ARHGEF4: variants seen among roughly 807,000 people sequenced by gnomAD.
The protein encoded by ARHGEF4 is Rho guanine nucleotide exchange factor 4.
A neutral mutation model predicts 162.0 loss-of-function variants in ARHGEF4; 119 were observed. The ratio of observed to expected loss-of-function variants is 0.73; its 90% CI spans 0.63 to 0.86. The LOEUF (loss-of-function observed/expected upper bound fraction) is 0.86. ARHGEF4 is among the 40% of genes least tolerant of loss of function. ARHGEF4 has a pLI of 0.00. For missense variants in ARHGEF4, 2,488 were observed against 2,456.0 expected, an observed-to-expected ratio of 1.01 and a Z score of -0.28; for synonymous variants, 1,014 against 979.9, an observed-to-expected ratio of 1.03 and a Z score of -0.65.
chr2:130,872,367 C>T (rs935002917), intron 1 of ARHGEF4, among the ~76,000 whole-genome samples: 4 of 152,084 alleles, frequency 2.6e-5, no homozygotes, highest in Non-Finnish European at 4.4e-5. Flanking sequence ...GGCAGATGAA[C>T]GTTTGAAATT....
chr2:130,993,448 TTTC>T (rs1174321742), intron 4 of ARHGEF4, among the ~76,000 whole-genome samples: 11 of 144,612 alleles, frequency 7.6e-5, no homozygotes, highest in South Asian at 2.6e-4. Flanking sequence ...GAATGTGTAT[TTTC>T]TTCTTGTTGG....
intron 1 of ARHGEF4, among the ~76,000 whole-genome samples, chr2:130,890,028 T>A (rs1355852154): frequency 1.3e-5 from 2 of 152,122 alleles, no homozygotes; most frequent in Non-Finnish European, 2.9e-5. Context: ...CTCCACACCC[T>A]TCTTTGGAGT....
At chr2:130,883,733 C>A (rs1376151380) in intron 1 of ARHGEF4, among the ~76,000 whole-genome samples, 1 of 152,030 alleles carries the variant, frequency 6.6e-6, no homozygotes, top group Non-Finnish European at 1.5e-5. Context: ...TGAGTGCCCT[C>A]TGATGCAGCC....
chr2:130,915,234 A>C lies in ARHGEF4; in HGVS notation c.1288A>C (p.Arg430=). 1 of 1,550,620 alleles carries C rather than the reference A, an allele frequency of 6.4e-7. No homozygotes were observed. The highest frequency in any genetic ancestry group is 8.7e-7 in the Non-Finnish European group (1 of 1,147,006). The change falls in exon 2 of 14, where the codon AGA becomes CGA. Residue 430 remains arginine, a synonymous_variant. Coordinates refer to ENST00000409359, the MANE Select transcript of ARHGEF4 (RefSeq NM_001367493.1). ...AGGTCTCCTGGGGGAAAACCAGTTA[A>C]GACAGGATTCCAGGTCATGTCTGGT... ...SAGLLGENQL[R]QDSRSCLVAS... is the part of the protein sequence containing the mutation.
intron 1 of ARHGEF4, among the ~76,000 whole-genome samples, chr2:130,846,375 C>T (rs568050298): frequency 1.2e-4 from 19 of 152,324 alleles, no homozygotes; most frequent in Middle Eastern, 3.4e-3. Flanking sequence ...CCACCCACAC[C>T]GACTGCCAGG....
chr2:130,929,518 C>T (rs1394220123), intron 2 of ARHGEF4, among the ~76,000 whole-genome samples: 2 of 152,164 alleles, frequency 1.3e-5, no homozygotes, highest in Non-Finnish European at 2.9e-5. Flanking sequence ...CATCTAATCA[C>T]TTCCAGAATA....
At chr2:130,882,675 T>G (rs969855705) in intron 1 of ARHGEF4, among the ~76,000 whole-genome samples, 3 of 151,992 alleles carry the variant, frequency 2.0e-5, no homozygotes, top group African/African-American at 7.3e-5. Flanking sequence ...GGTTACTGAC[T>G]AAAGCAAAGT....
At chr2:130,990,907 T>TA (rs1191500074) in intron 4 of ARHGEF4, among the ~76,000 whole-genome samples, 2 of 152,180 alleles carry the variant, frequency 1.3e-5, no homozygotes, top group African/African-American at 4.8e-5. Context: ...CTCACACAGA[T>TA]ATAGGGTTCA....
At chr2:130,839,380 G>C (rs1433064751) in intron 1 of ARHGEF4, among the ~76,000 whole-genome samples, 1 of 152,216 alleles carries the variant, frequency 6.6e-6, no homozygotes, top group African/African-American at 2.4e-5. Context: ...GGGAACCTCA[G>C]ATTGTCTGGG....
At chr2:130,855,052 G>C (rs961338745) in intron 1 of ARHGEF4, among the ~76,000 whole-genome samples, 2 of 147,120 alleles carry the variant, frequency 1.4e-5, no homozygotes, top group Admixed American at 6.8e-5. Flanking sequence ...TTTTTTTTTT[G>C]TATTTTTAGT....
At chr2:130,957,403 A>G (rs1299105541) in intron 4 of ARHGEF4, among the ~76,000 whole-genome samples, 1 of 152,226 alleles carries the variant, frequency 6.6e-6, no homozygotes, top group African/African-American at 2.4e-5. Flanking sequence ...TTACATTTAT[A>G]TGAAATTCTT....
At position 131,041,869 on chromosome 2, in the gene ARHGEF4, C is replaced by T. The variant is rs1690842673; in HGVS notation, c.4950C>T (p.Leu1650=). The part of the protein sequence containing the change: ...ALHAMKNVAQ[L]INERKRRLEN... ...ATGCCATGAAGAACGTGGCCCAGCT[C>T]ATCAACGAGCGGAAGCGGAGACTTG... Residue 1650 remains leucine, a synonymous_variant, in exon 10 of 14, where the codon CTC becomes CTT. Transcript: ENST00000409359. 1 of 1,613,558 alleles carries T rather than the reference C, an allele frequency of 6.2e-7. No individual in the cohort carries two copies. Among genetic ancestry groups the T allele is most frequent in the African/African-American group, 1.3e-5 (1 of 74,950 alleles).
At chr2:130,838,960 G>T (rs78911378) in intron 1 of ARHGEF4, among the ~76,000 whole-genome samples, 2 of 152,112 alleles carry the variant, frequency 1.3e-5, no homozygotes, top group East Asian at 1.9e-4. Flanking sequence ...GACACACACG[G>T]TCCTCCAGTT....
At chr2:130,958,495 C>T (rs571609615) in intron 4 of ARHGEF4, among the ~76,000 whole-genome samples, 1 of 151,626 alleles carries the variant, frequency 6.6e-6, no homozygotes, top group Non-Finnish European at 1.5e-5. Context: ...CTGCAACCTC[C>T]GCCCCCCCGA....
At chr2:130,848,761 G>A (rs138668372) in intron 1 of ARHGEF4, among the ~76,000 whole-genome samples, 1 of 152,276 alleles carries the variant, frequency 6.6e-6, no homozygotes, top group African/African-American at 2.4e-5. Flanking sequence ...ACCAGGCCCC[G>A]AGGGGACATG....
At position 130,910,622 on chromosome 2, in the gene ARHGEF4, C is replaced by T. The variant is rs140487246; in HGVS notation, c.40-3364C>T. 1.5e-3 allele frequency among the ~76,000 whole-genome samples: 232 copies of T among 152,332 alleles called. 1 individual carries two copies. Among genetic ancestry groups the T allele is most frequent in the Non-Finnish European group, 2.4e-3 (166 of 68,028 alleles). ...CTAGTAAGACTTCCGAGGATTTAAA[C>T]AGTCAACAAGGCTGATCTAATGAGC... On this transcript the variant is annotated intron_variant, in intron 1 of 13. Coordinates refer to ENST00000409359, the MANE Select transcript of ARHGEF4 (RefSeq NM_001367493.1).
At chr2:130,943,147 A>G (rs1449074181) in intron 3 of ARHGEF4, among the ~76,000 whole-genome samples, 1 of 152,176 alleles carries the variant, frequency 6.6e-6, no homozygotes, top group Admixed American at 6.5e-5. Flanking sequence ...GGTTAGATGC[A>G]TGGACATCTA....
intron 1 of ARHGEF4, among the ~76,000 whole-genome samples, chr2:130,850,292 T>G (rs968278349): frequency 2.6e-5 from 4 of 152,236 alleles, no homozygotes; most frequent in African/African-American, 4.8e-5. Flanking sequence ...CTGCCTGCTG[T>G]GTCCCTGGTA....
In ARHGEF4 at chr2:131,036,502, G is replaced by A. The variant is rs1232843312; in HGVS notation, c.4126-2351G>A. 2.0e-5 allele frequency among the ~76,000 whole-genome samples: 3 copies of A among 152,174 alleles called. 1 individual carries two copies. Among genetic ancestry groups the A allele is most frequent in the South Asian group, 4.1e-4 (2 of 4,832 alleles). On this transcript the variant is annotated intron_variant, in intron 5 of 13. Coordinates refer to ENST00000409359, the MANE Select transcript of ARHGEF4 (RefSeq NM_001367493.1). The stretch of plus-strand genomic sequence containing the variant: ...ACAAGTGTGGGGCTTGTCCCTAATG[G>A]TGCCTGGAAGCTGGCCTCTCTGTGA...
Sources: allele counts gnomAD v4.1 joint callset (sites outside exome capture counted in the v4.1 genomes callset), GRCh38; gene constraint gnomAD v4.1.1; transcripts MANE v1.5; gene names NCBI Gene and HGNC (gene_info 2026-07-23, HGNC 2026-07-21).